The following APP variants were observed in gnomAD, a reference collection of about 807,000 sequenced individuals.
The protein encoded by APP is amyloid-beta precursor protein.
APP carries 31 observed loss-of-function variants against 101.4 expected under a neutral mutation model. The ratio of observed to expected loss-of-function variants is 0.31; its 90% CI spans 0.23 to 0.41. APP has a LOEUF of 0.41. Among genes scored for constraint, APP ranks in the 10% least tolerant of loss-of-function variants. The probability of loss-of-function intolerance (pLI) is 1.00; values close to 1 mark genes in which losing one functional copy is unlikely to be tolerated. For missense variants in APP, 839 were observed against 1,003.7 expected, an observed-to-expected ratio of 0.84 and a Z score of 2.22; for synonymous variants, 366 against 364.4, an observed-to-expected ratio of 1.00 and a Z score of -0.05.
chr21:26,123,775 T>C (rs979996371), intron 1 of APP, among the ~76,000 whole-genome samples: 4 of 152,172 alleles, frequency 2.6e-5, no homozygotes, highest in African/African-American at 9.7e-5. Context: ...ACTGCAGTCT[T>C]ACTCTTGGAT....
chr21:26,142,163 G>C (rs937506492), intron 1 of APP, among the ~76,000 whole-genome samples: 3 of 152,174 alleles, frequency 2.0e-5, no homozygotes. Context: ...AACATGCGGG[G>C]CAGTATAAGA....
intron 1 of APP, among the ~76,000 whole-genome samples, chr21:26,118,791 C>T (rs769923667): frequency 5.9e-5 from 9 of 151,940 alleles, no homozygotes; most frequent in African/African-American, 2.2e-4. Flanking sequence ...CTGCCCGCCT[C>T]GGCCTCCCAA....
At chr21:26,136,217 A>G (rs893157642) in intron 1 of APP, among the ~76,000 whole-genome samples, 7 of 145,788 alleles carry the variant, frequency 4.8e-5, no homozygotes, top group African/African-American at 1.8e-4. Context: ...AAAAGAAAGA[A>G]AAGAAATAGT....
At chr21:26,066,243 G>GTCTA (rs1315585842) in intron 3 of APP, among the ~76,000 whole-genome samples, 1 of 152,122 alleles carries the variant, frequency 6.6e-6, no homozygotes, top group Non-Finnish European at 1.5e-5. Flanking sequence ...GGCAGTAAGG[G>GTCTA]TCTACTTAAG....
At chr21:26,097,159 C>T (rs895085487) in intron 2 of APP, among the ~76,000 whole-genome samples, 10 of 151,960 alleles carry the variant, frequency 6.6e-5, no homozygotes, top group Admixed American at 5.2e-4. Context: ...CCACATGATG[C>T]CCTCAATCTC....
chr21:26,078,502 G>GT (rs905381407), intron 3 of APP, among the ~76,000 whole-genome samples: 5 of 152,172 alleles, frequency 3.3e-5, no homozygotes, highest in African/African-American at 1.2e-4. Flanking sequence ...AAAGGCTGAA[G>GT]TTAATTCAGT....
At chr21:25,897,892 G>A (rs926184889) in intron 15 of APP, 1 of 568,734 alleles carries the variant, frequency 1.8e-6, no homozygotes, top group Admixed American at 3.2e-5. Flanking sequence ...AAACCTGAAA[G>A]TAAGGCTTCT....
intron 2 of APP, among the ~76,000 whole-genome samples, chr21:26,091,835 T>C (rs568074768): frequency 3.3e-5 from 5 of 152,148 alleles, no homozygotes; most frequent in East Asian, 3.9e-4. Flanking sequence ...TGTGAGGATT[T>C]TGAGAAAAGA....
intron 1 of APP, among the ~76,000 whole-genome samples, chr21:26,162,057 A>G (rs2063502488): frequency 6.6e-6 from 1 of 152,242 alleles, no homozygotes; most frequent in Non-Finnish European, 1.5e-5. Flanking sequence ...GCCAGGCACA[A>G]TAGCTCACAC....
chr21:26,052,683 G>C (rs2145962548), intron 4 of APP, among the ~76,000 whole-genome samples: 1 of 152,264 alleles, frequency 6.6e-6, no homozygotes, highest in East Asian at 1.9e-4. Flanking sequence ...GTATAACTGA[G>C]AAACTGAATT....
At chr21:26,049,519 G>A (rs1171329985) in intron 5 of APP, among the ~76,000 whole-genome samples, 1 of 152,118 alleles carries the variant, frequency 6.6e-6, no homozygotes, top group Non-Finnish European at 1.5e-5. Flanking sequence ...AGATAATTAG[G>A]TGCATCTAGT....
intron 6 of APP, among the ~76,000 whole-genome samples, chr21:26,017,461 C>T (rs1042203791): frequency 2.6e-5 from 4 of 151,202 alleles, no homozygotes; most frequent in South Asian, 2.1e-4. Flanking sequence ...GAGTGGTGAC[C>T]GTGAAAATCT....
intron 1 of APP, among the ~76,000 whole-genome samples, chr21:26,139,778 A>T (rs2063000033): frequency 6.6e-6 from 1 of 152,172 alleles, no homozygotes; most frequent in Non-Finnish European, 1.5e-5. Flanking sequence ...CTGTAGTCCC[A>T]GCTACTCAGG....
At chr21:26,124,399 T>C (rs2062639193) in intron 1 of APP, among the ~76,000 whole-genome samples, 1 of 152,226 alleles carries the variant, frequency 6.6e-6, no homozygotes. Context: ...AGACAACCTA[T>C]TAGCTATGTT....
intron 5 of APP, among the ~76,000 whole-genome samples, chr21:26,042,257 CTCTT>C (rs1314040418): frequency 2.0e-5 from 3 of 152,186 alleles, no homozygotes; most frequent in Non-Finnish European, 4.4e-5. Flanking sequence ...AATACAGCCT[CTCTT>C]TCTCTCTCAC....
intron 3 of APP, among the ~76,000 whole-genome samples, chr21:26,075,749 T>C (rs2061487410): frequency 6.6e-6 from 1 of 152,234 alleles, no homozygotes; most frequent in Non-Finnish European, 1.5e-5. Flanking sequence ...AATGAATTAA[T>C]GTCTGTCCAA....
intron 5 of APP, among the ~76,000 whole-genome samples, chr21:26,043,844 C>CT (rs11371096): frequency 1 from 152,223 of 152,224 alleles, 76,111 homozygotes; most frequent in Middle Eastern, 1. Context: ...GATATTCTCA[C>CT]TTTATCCATT....
intron 17 of APP, among the ~76,000 whole-genome samples, chr21:25,887,730 G>A (rs1237658117): frequency 1.3e-5 from 2 of 152,106 alleles, no homozygotes; most frequent in Non-Finnish European, 1.5e-5. Context: ...TGTTACAACT[G>A]TCTATAGTAT....
intron 6 of APP, among the ~76,000 whole-genome samples, chr21:26,009,405 A>G (rs1001693208): frequency 3.3e-5 from 5 of 152,220 alleles, no homozygotes; most frequent in African/African-American, 1.2e-4. Flanking sequence ...TACCAAGATC[A>G]TAATTTTCTT....
Sources: gnomAD v4.1 joint callset for allele counts (sites outside exome capture counted in the v4.1 genomes callset) on GRCh38, gnomAD v4.1.1 for gene constraint, MANE v1.5 for transcripts, NCBI Gene and HGNC (gene_info 2026-07-23, HGNC 2026-07-21) for gene names.